The following MOCS1 variants were observed in gnomAD, a reference collection of about 807,000 sequenced individuals.
MOCS1 encodes the protein molybdenum cofactor synthesis 1.
MOCS1 carries 39 observed loss-of-function variants against 57.6 expected under a neutral mutation model. That is an observed-to-expected ratio of 0.68 (90% CI 0.52 to 0.88). The LOEUF (loss-of-function observed/expected upper bound fraction) is 0.88, where lower values mean the gene tolerates loss of function less well. MOCS1 is among the 40% of genes least tolerant of loss of function. MOCS1 has a pLI of 0.00. For synonymous variants in MOCS1, 334 were observed against 335.7 expected (o/e 1.00, Z 0.05); for missense variants, 795 against 831.1 (o/e 0.96, Z 0.53).
In MOCS1 at chr6:39,909,926, G is replaced by C. The variant is rs775983848; in HGVS notation, c.1011C>G (p.Ser337=). 1 of 1,613,626 alleles carries C rather than the reference G, an allele frequency of 6.2e-7. No homozygotes were observed. The highest frequency in any genetic ancestry group is 2.2e-5 in the East Asian group (1 of 44,888). The change falls in exon 9 of 11, where the codon TCC becomes TCG. Residue 337 remains serine, a synonymous_variant. Transcript: ENST00000340692. ...KVCLFGNSEV[S]LRDHLRAGAS... ...CCCCAGCTCGCAGGTGATCCCGCAG[G>C]GATACCTCAGAGTTTCCAAAGAGGC...
chr6:39,926,900 ATT>A (rs1768346177), intron 2 of MOCS1, among the ~76,000 whole-genome samples: 1 of 150,424 alleles, frequency 6.6e-6, no homozygotes, highest in South Asian at 2.1e-4. Flanking sequence ...GCCCCAGCTG[ATT>A]TGTCACGGGA....
At chr6:39,921,333 T>C (rs1372022069) in intron 3 of MOCS1, among the ~76,000 whole-genome samples, 1 of 151,240 alleles carries the variant, frequency 6.6e-6, no homozygotes, top group Non-Finnish European at 1.5e-5. Flanking sequence ...TGGGAGGCAG[T>C]GGTTGCAGTC....
At chr6:39,909,987 TA>T in intron 8 of MOCS1, 32 bp from the exon 9 acceptor site, 1 of 1,610,472 alleles carries the variant, frequency 6.2e-7, no homozygotes, top group Non-Finnish European at 8.5e-7. Flanking sequence ...ATGCCTTCCT[TA>T]CCCCTGAGCC....
Position 39,904,818 on chromosome 6 carries a change from T to TAA in MOCS1, c.*1537_*1538dup, listed in dbSNP as rs1038847543. 79 of 454,124 alleles carry TAA rather than the reference T, an allele frequency of 1.7e-4. No homozygotes were observed. The highest frequency in any genetic ancestry group is 6.9e-4 in the Middle Eastern group (1 of 1,444). The allele number at this position is 454,124 out of a possible 1,614,324, so 28.1% of individuals were successfully genotyped here. ...TCCTTTTTCACTTGCACCTTTTTTA[T>TAA]AAGAATATATTGTAATACTAAAAAA... On this transcript the variant is annotated 3_prime_UTR_variant, in exon 11 of 11. Transcript: ENST00000340692.
intron 6 of MOCS1, 66 bp downstream of exon 6, chr6:39,913,251 G>A (rs1003175269): frequency 9.3e-6 from 13 of 1,393,938 alleles, no homozygotes; most frequent in Non-Finnish European, 1.3e-5. Flanking sequence ...CAGTGGGTGA[G>A]CCACACTATG....
intron 2 of MOCS1, among the ~76,000 whole-genome samples, chr6:39,926,305 C>T (rs1205537093): frequency 2.0e-5 from 3 of 152,124 alleles, no homozygotes; most frequent in Admixed American, 1.3e-4. Context: ...CAAAAGCTGC[C>T]GTCCTCTGTA....
chr6:39,934,412 C>CGTGAT lies in MOCS1; in HGVS notation c.5_6insATCAC (p.Ala3SerfsTer14), dbSNP rs1298379968. On this transcript the variant is annotated frameshift_variant, in exon 1 of 11. Transcript: ENST00000340692. LOFTEE classifies it high-confidence loss of function. ...GCAGCATCCGGGACAGTGGCCGCGC[C>CGTGAT]GCCATGAAGCCTGATACGAGCGGAA... The CGTGAT allele has an allele frequency of 6.4e-7, 1 of 1,567,058 alleles. No individual in the cohort carries two copies. The highest frequency in any genetic ancestry group is 1.3e-5 in the African/African-American group (1 of 74,202).
intron 3 of MOCS1, among the ~76,000 whole-genome samples, chr6:39,923,494 AT>A (rs1187706744): frequency 3.3e-5 from 5 of 152,240 alleles, no homozygotes; most frequent in Non-Finnish European, 7.3e-5. Context: ...AGTGATCCTC[AT>A]CCCCTCTGCT....
At chr6:39,913,084 T>A (rs1767436621) in intron 6 of MOCS1, 80 bp from the exon 7 acceptor site, 1 of 1,103,440 alleles carries the variant, frequency 9.1e-7, no homozygotes, top group Admixed American at 1.7e-5. Context: ...GTCCATCCCC[T>A]GCCACAGCAT....
chr6:39,912,440 C>T, intron 7 of MOCS1, 66 bp from the exon 8 acceptor site: 1 of 1,139,318 alleles, frequency 8.8e-7, no homozygotes, highest in Non-Finnish European at 1.3e-6. Flanking sequence ...CAGTTTCTCA[C>T]TCCATGACAT....
chr6:39,915,347 G>T (rs1767595072), intron 4 of MOCS1, among the ~76,000 whole-genome samples: 1 of 152,034 alleles, frequency 6.6e-6, no homozygotes, highest in African/African-American at 2.4e-5. Context: ...CTGTTTCCAA[G>T]GAAGAGGAAG....
intron 3 of MOCS1, among the ~76,000 whole-genome samples, chr6:39,921,196 G>A (rs1377686153): frequency 6.6e-6 from 1 of 151,878 alleles, no homozygotes; most frequent in Non-Finnish European, 1.5e-5. Context: ...TCAGGAGATC[G>A]AGATCATCCT....
chr6:39,910,085 C>A (rs1228825016), intron 8 of MOCS1, 130 bp from the exon 9 acceptor site: 4 of 1,375,080 alleles, frequency 2.9e-6, no homozygotes, highest in Non-Finnish European at 4.1e-6. Flanking sequence ...CATGGCAGGG[C>A]CCCTAGCAGT....
chr6:39,922,797 G>A (rs1446451116), intron 3 of MOCS1, among the ~76,000 whole-genome samples: 2 of 152,170 alleles, frequency 1.3e-5, no homozygotes, highest in Non-Finnish European at 2.9e-5. Flanking sequence ...GGCAGAAACT[G>A]TAACCTGCAA....
In MOCS1 at chr6:39,913,300, C is replaced by A. The variant is rs775705249; in HGVS notation, c.757+17G>T. ...CAACCCCTTCTTCCCTCCCTCAACC[C>A]ATCCCTGGTCACTGACCATCAAAGG... On this transcript the variant is annotated intron_variant, in intron 6 of 10. Transcript: ENST00000340692. 7 of 1,608,060 alleles carry A rather than the reference C, an allele frequency of 4.4e-6. No individual in the cohort carries two copies. Among genetic ancestry groups the A allele is most frequent in the Non-Finnish European group, 6.0e-6 (7 of 1,174,612 alleles).
intron 10 of MOCS1, among the ~76,000 whole-genome samples, chr6:39,908,649 G>A (rs1767102896): frequency 6.6e-6 from 1 of 152,178 alleles, no homozygotes; most frequent in African/African-American, 2.4e-5. Flanking sequence ...TCATGGTCCA[G>A]ATACACCGTG....
chr6:39,927,406 G>A lies in MOCS1; in HGVS notation c.173C>T (p.Ser58Phe). The A allele has an allele frequency of 6.2e-7, 1 of 1,612,832 alleles. No homozygotes were observed. The highest frequency in any genetic ancestry group is 8.5e-7 in the Non-Finnish European group (1 of 1,179,892). ...QFLREHAAPFSAFLTDSFGRQ... is the reference protein window; with the variant it reads ...QFLREHAAPFFAFLTDSFGRQ... ...GCCGAAGCTGTCTGTGAGGAAGGCG[G>A]AGAAGGGGGCCGCATGCTCCCGCAG... The change falls in exon 2 of 11, where the codon TCC becomes TTC. Residue 58 changes from serine (S) to phenylalanine (F), a missense_variant. Coordinates refer to ENST00000340692, the MANE Select transcript of MOCS1 (RefSeq NM_001358530.2).
At chr6:39,933,135 A>C (rs1768725776) in intron 1 of MOCS1, among the ~76,000 whole-genome samples, 1 of 152,132 alleles carries the variant, frequency 6.6e-6, no homozygotes, top group African/African-American at 2.4e-5. Context: ...CTGAACATAC[A>C]AACTCTACTC....
intron 3 of MOCS1, among the ~76,000 whole-genome samples, chr6:39,918,434 T>C (rs907541834): frequency 2.0e-5 from 3 of 152,232 alleles, no homozygotes; most frequent in African/African-American, 7.2e-5. Flanking sequence ...AAGTTGTACA[T>C]GAATTTTTAA....
Sources: gnomAD v4.1 joint callset for allele counts (sites outside exome capture counted in the v4.1 genomes callset) on GRCh38, gnomAD v4.1.1 for gene constraint, MANE v1.5 for transcripts, NCBI Gene and HGNC (gene_info 2026-07-23, HGNC 2026-07-21) for gene names.